The following TRPM8 variants were observed in gnomAD, a reference collection of about 807,000 sequenced individuals.
The protein encoded by TRPM8 is TRPM8 cationic channel.
Under a neutral mutation model 133.7 loss-of-function variants are expected in TRPM8, and 110 were observed. The ratio of observed to expected loss-of-function variants is 0.82; its 90% CI spans 0.70 to 0.96. The LOEUF (loss-of-function observed/expected upper bound fraction) is 0.96, where lower values mean the gene tolerates loss of function less well. TRPM8 is among the 40% of genes least tolerant of loss of function. The probability of loss-of-function intolerance (pLI) is 0.00; values close to 1 mark genes in which losing one functional copy is unlikely to be tolerated. For missense variants in TRPM8, 1,291 were observed against 1,379.5 expected, an observed-to-expected ratio of 0.94 and a Z score of 1.02; for synonymous variants, 535 against 532.3, an observed-to-expected ratio of 1.01 and a Z score of -0.07.
At chr2:233,942,443 C>T in intron 5 of TRPM8, 133 bp from the exon 6 acceptor site, 3 of 837,294 alleles carry the variant, frequency 3.6e-6, no homozygotes, top group South Asian at 3.1e-5. Flanking sequence ...TCCTTCCTTG[C>T]CATACGACAT....
At chr2:233,918,374 A>G (rs1318682259) in intron 1 of TRPM8, among the ~76,000 whole-genome samples, 2 of 150,722 alleles carry the variant, frequency 1.3e-5, no homozygotes, top group African/African-American at 4.8e-5. Flanking sequence ...TTATAATTAC[A>G]TTACAATTTA....
chr2:233,962,943 AT>A (rs370328698), intron 12 of TRPM8, among the ~76,000 whole-genome samples: 1 of 152,170 alleles, frequency 6.6e-6, no homozygotes, highest in South Asian at 2.1e-4. Context: ...AGTTTGAAGA[AT>A]TTTTTTCTAG....
At chr2:233,951,144 C>T (rs546701557) in intron 9 of TRPM8, among the ~76,000 whole-genome samples, 1 of 152,118 alleles carries the variant, frequency 6.6e-6, no homozygotes, top group Non-Finnish European at 1.5e-5. Flanking sequence ...GTGGGAGAAT[C>T]ATTTGAGCTA....
chr2:233,944,717 C>T (rs1691000599), intron 6 of TRPM8, among the ~76,000 whole-genome samples: 1 of 152,026 alleles, frequency 6.6e-6, no homozygotes, highest in Non-Finnish European at 1.5e-5. Flanking sequence ...CAAAGCTGCA[C>T]TCAAAGTGAA....
chr2:233,959,690 G>A (rs1378477312), intron 11 of TRPM8, among the ~76,000 whole-genome samples: 1 of 152,130 alleles, frequency 6.6e-6, no homozygotes, highest in Non-Finnish European at 1.5e-5. Flanking sequence ...GTTGGCAATG[G>A]AATAAAATTG....
chr2:233,943,067 CT>C (rs67315288), intron 6 of TRPM8: 21,554 of 177,910 alleles, frequency 0.12, 153 homozygotes, highest in South Asian at 0.17. Context: ...ACTGCAGTAT[CT>C]TTTTTTTTTT....
intron 1 of TRPM8, among the ~76,000 whole-genome samples, chr2:233,919,265 AT>A (rs1436079600): frequency 6.6e-6 from 1 of 152,162 alleles, no homozygotes; most frequent in Admixed American, 6.5e-5. Flanking sequence ...CTTCTAGACT[AT>A]TTAAAATTAT....
intron 17 of TRPM8, among the ~76,000 whole-genome samples, chr2:233,973,405 G>A (rs995693571): frequency 6.6e-6 from 1 of 152,150 alleles, no homozygotes; most frequent in African/African-American, 2.4e-5. Flanking sequence ...CGGCCAGCTG[G>A]CAAGCTTCAC....
intron 17 of TRPM8, 108 bp from the exon 18 acceptor site, chr2:233,980,080 C>A: frequency 1.3e-6 from 1 of 768,850 alleles, no homozygotes; most frequent in Non-Finnish European, 2.2e-6. Context: ...ACAAACACGT[C>A]ATTGGCTCAA....
chr2:233,965,064 G>C lies in TRPM8; in HGVS notation c.1879+307G>C, dbSNP rs1004096195. ...ACTACTTTTTTTTGTGGGGGGGGGGGGTGTTTCTGGATGCCGTTACAACAT... is the reference window on the plus strand; with the variant it reads ...ACTACTTTTTTTTGTGGGGGGGGGGCGTGTTTCTGGATGCCGTTACAACAT... On this transcript the variant is annotated intron_variant, in intron 14 of 25. Transcript: ENST00000324695. 1.3e-4 allele frequency among the ~76,000 whole-genome samples: 18 copies of C among 135,282 alleles called. 1 individual carries two copies. The South Asian group carries it at 2.8e-3, about 21-fold the overall frequency. The allele number at this position is 135,282 out of a possible 152,430, so 88.8% of individuals were successfully genotyped here.
At chr2:234,010,832 T>A (rs893424913) in intron 24 of TRPM8, among the ~76,000 whole-genome samples, 2 of 152,234 alleles carry the variant, frequency 1.3e-5, no homozygotes, top group Admixed American at 1.3e-4. Context: ...TTTGTATTTT[T>A]GGTATTGAGT....
chr2:233,955,677 G>C (rs1242820652), intron 11 of TRPM8, among the ~76,000 whole-genome samples: 1 of 152,130 alleles, frequency 6.6e-6, no homozygotes, highest in East Asian at 1.9e-4. Context: ...GCCAAATTCT[G>C]ATTAGAGAAC....
In TRPM8 at chr2:233,970,096, C is replaced by T. The variant is rs28902186; in HGVS notation, c.2139-114C>T. On this transcript the variant is annotated intron_variant, in intron 16 of 25. Transcript: ENST00000324695. ...TCCATCTTAGGACACGGTTTTGCTC[C>T]CGTCTCTTCCTCCTGGCTATGGGTC... The T allele has an allele frequency of 3.6e-3, 3,644 of 1,009,032 alleles. 72 individuals carry two copies. The African/African-American group carries it at 0.044, about 12-fold the overall frequency. The allele number at this position is 1,009,032 out of a possible 1,614,324, so 62.5% of individuals were successfully genotyped here.
intron 1 of TRPM8, among the ~76,000 whole-genome samples, chr2:233,925,602 C>T (rs934684008): frequency 2.6e-5 from 4 of 151,998 alleles, no homozygotes; most frequent in East Asian, 1.9e-4. Flanking sequence ...CCAGCAGGGC[C>T]GAGCGCAGAG....
chr2:233,992,426 T>A (rs1692302742), intron 21 of TRPM8, among the ~76,000 whole-genome samples: 1 of 152,210 alleles, frequency 6.6e-6, no homozygotes, highest in African/African-American at 2.4e-5. Context: ...TTAGTCATCC[T>A]ATTCCATGGT....
At position 233,964,619 on chromosome 2, in the gene TRPM8, C is replaced by A. The variant is rs575567462; in HGVS notation, c.1750-9C>A. On this transcript the variant is annotated splice_polypyrimidine_tract_variant and intron_variant, in intron 13 of 25. Coordinates refer to ENST00000324695, the MANE Select transcript of TRPM8 (RefSeq NM_024080.5). The stretch of plus-strand genomic sequence containing the variant: ...AATTAACCTTAAAATTCTTCACCCC[C>A]CTAAAAAGACCAGGGGCTGCACTCT... The A allele has an allele frequency of 2.6e-6, 4 of 1,542,024 alleles. No individual in the cohort carries two copies. The highest frequency in any genetic ancestry group is 3.5e-6 in the Non-Finnish European group (4 of 1,144,320).
At chr2:234,010,182 TGATGAGTTTGACTCTTTTA>T (rs1387003934) in intron 24 of TRPM8, among the ~76,000 whole-genome samples, 13 of 152,338 alleles carry the variant, frequency 8.5e-5, no homozygotes, top group African/African-American at 3.1e-4. Flanking sequence ...CTCTCTGACT[TGATGAGTTTGACTCTTTTA>T]GATTTCACAT....
intron 21 of TRPM8, among the ~76,000 whole-genome samples, chr2:233,991,115 G>C (rs775283189): frequency 6.6e-6 from 1 of 152,082 alleles, no homozygotes; most frequent in Admixed American, 6.6e-5. Context: ...GATAATGTTA[G>C]TCTAGGGAGG....
At chr2:233,919,498 T>C (rs1691367851) in intron 1 of TRPM8, among the ~76,000 whole-genome samples, 1 of 152,078 alleles carries the variant, frequency 6.6e-6, no homozygotes, top group Non-Finnish European at 1.5e-5. Context: ...ATCCTCTACT[T>C]ATTAGCTGTG....
Sources: allele counts gnomAD v4.1 joint callset (sites outside exome capture counted in the v4.1 genomes callset), GRCh38; gene constraint gnomAD v4.1.1; transcripts MANE v1.5; gene names NCBI Gene and HGNC (gene_info 2026-07-23, HGNC 2026-07-21).